The following PCDH15 variants were observed in gnomAD, a reference collection of about 807,000 sequenced individuals.
PCDH15 encodes the protein protocadherin-15.
PCDH15 carries 129 observed loss-of-function variants against 178.5 expected under a neutral mutation model. The observed-to-expected ratio is 0.72, with a 90% CI of 0.63 to 0.84. The LOEUF (loss-of-function observed/expected upper bound fraction) is 0.84, where lower values mean the gene tolerates loss of function less well. Among genes scored for constraint, PCDH15 ranks in the 40% least tolerant of loss-of-function variants. The probability of loss-of-function intolerance (pLI) is 0.00; values close to 1 mark genes in which losing one functional copy is unlikely to be tolerated. For missense variants in PCDH15, 2,230 were observed against 2,099.9 expected, an observed-to-expected ratio of 1.06 and a Z score of -1.21; for synonymous variants, 800 against 732.0, an observed-to-expected ratio of 1.09 and a Z score of -1.50.
At chr10:55,331,358 C>T (rs1378390818) in intron 2 of PCDH15, among the ~76,000 whole-genome samples, 1 of 151,902 alleles carries the variant, frequency 6.6e-6, no homozygotes, top group African/African-American at 2.4e-5. Context: ...TTTGGATCAA[C>T]TTTTGTCTTA....
intron 3 of PCDH15, among the ~76,000 whole-genome samples, chr10:54,891,573 G>A (rs1478862970): frequency 1.3e-5 from 2 of 152,134 alleles, no homozygotes; most frequent in African/African-American, 4.8e-5. Context: ...ATAGGTAAAT[G>A]CCAAAGGCAG....
intron 13 of PCDH15, among the ~76,000 whole-genome samples, chr10:54,167,606 C>T (rs1206391322): frequency 6.6e-6 from 1 of 151,866 alleles, no homozygotes; most frequent in Non-Finnish European, 1.5e-5. Flanking sequence ...GTACCTCAAC[C>T]CCTTCTCTCC....
At chr10:54,802,264 A>C (rs1276696840), upstream of PCDH15, among the ~76,000 whole-genome samples, 1 of 152,248 alleles carries the variant, frequency 6.6e-6, no homozygotes. Flanking sequence ...AAGCATTTGC[A>C]GAAAATAACA....
intron 1 of PCDH15, among the ~76,000 whole-genome samples, chr10:55,172,766 G>A (rs117139678): frequency 0.02 from 3,087 of 151,958 alleles, 46 homozygotes; most frequent in Non-Finnish European, 0.033. Flanking sequence ...GTGCCCAAAG[G>A]AGAGATGGGG....
chr10:55,475,872 T>C (rs1056151436), intron 2 of PCDH15, among the ~76,000 whole-genome samples: 3 of 152,140 alleles, frequency 2.0e-5, no homozygotes, highest in Admixed American at 6.6e-5. Flanking sequence ...CTCTATCCAC[T>C]TCCCTTCTCT....
intron 1 of PCDH15, among the ~76,000 whole-genome samples, chr10:55,252,852 TA>T (rs1317370050): frequency 6.6e-6 from 1 of 152,046 alleles, no homozygotes; most frequent in African/African-American, 2.4e-5. Flanking sequence ...ATTTAGTCAC[TA>T]AAGAAACCTG....
chr10:54,664,234 C>G lies in PCDH15; in HGVS notation c.29G>C (p.Cys10Ser). ...GCCCAGGATGATCCCTGAAGCTAAA[C>G]ATGTCCAGAGATAAAACTGTCGAAA... MFRQFYLWT[C>S]LASGIILGSL... is the part of the protein sequence containing the mutation. The change falls in exon 2 of 38, where the codon TGT becomes TCT. Residue 10 changes from cysteine to serine, a missense_variant. Coordinates refer to ENST00000644397, the MANE Select transcript of PCDH15 (RefSeq NM_001384140.1). 2.5e-6 allele frequency: 4 copies of G among 1,612,114 alleles called. No homozygotes were observed. Among genetic ancestry groups the G allele is most frequent in the Non-Finnish European group, 3.4e-6 (4 of 1,178,758 alleles).
chr10:54,722,888 T>A (rs1404092349), intron 1 of PCDH15, among the ~76,000 whole-genome samples: 1 of 151,676 alleles, frequency 6.6e-6, no homozygotes, highest in Non-Finnish European at 1.5e-5. Context: ...ATGAAAGAAA[T>A]TATACATGAC....
chr10:55,022,718 T>C (rs1344484799), intron 2 of PCDH15, among the ~76,000 whole-genome samples: 3 of 148,274 alleles, frequency 2.0e-5, no homozygotes, highest in African/African-American at 4.9e-5. Context: ...TTTCTTTTTT[T>C]TTTTTTTTTT....
chr10:53,812,787 G>T (rs1324047801), intron 35 of PCDH15, among the ~76,000 whole-genome samples: 1 of 152,004 alleles, frequency 6.6e-6, no homozygotes, highest in African/African-American at 2.4e-5. Flanking sequence ...CGAGAAGAGA[G>T]GGGGGAAAAG....
chr10:55,522,578 G>T (rs550871902), intron 2 of PCDH15, among the ~76,000 whole-genome samples: 6 of 151,386 alleles, frequency 4.0e-5, no homozygotes, highest in African/African-American at 1.5e-4. Context: ...GATCTTCTTT[G>T]TCTCTTGTGA....
intron 25 of PCDH15, among the ~76,000 whole-genome samples, chr10:53,925,861 C>T (rs1197943587): frequency 6.6e-6 from 1 of 152,074 alleles, no homozygotes; most frequent in Non-Finnish European, 1.5e-5. Flanking sequence ...TCACTTAAGC[C>T]TCATTATTTT....
chr10:54,785,492 A>G (rs1463928914), intron 1 of PCDH15, among the ~76,000 whole-genome samples: 1 of 152,026 alleles, frequency 6.6e-6, no homozygotes, highest in Non-Finnish European at 1.5e-5. Context: ...TATCCCTTGC[A>G]TACCTTTGAT....
chr10:53,973,054 A>T (rs1418913802), intron 21 of PCDH15, among the ~76,000 whole-genome samples: 1 of 152,090 alleles, frequency 6.6e-6, no homozygotes, highest in African/African-American at 2.4e-5. Flanking sequence ...ATGTCCATCA[A>T]TGATAGACCG....
intron 11 of PCDH15, among the ~76,000 whole-genome samples, chr10:54,191,989 G>T (rs1193269527): frequency 7.2e-6 from 1 of 139,340 alleles, no homozygotes; most frequent in African/African-American, 2.7e-5. Flanking sequence ...GAAGGGACGG[G>T]GGGAAGGAAA....
rs141226797 is a variant in PCDH15 at position 54,764,620 on chromosome 10, T to C, written c.-29+36305A>G. ...GCTGAGAAGGTCATGTAGCATAGGG[T>C]AAACCTCATGACCTCATCTGTTAGA... On this transcript the variant is annotated intron_variant, in intron 1 of 37. Transcript: ENST00000644397. Among the ~76,000 whole-genome samples, 557 of 152,214 alleles carry C rather than the reference T, an allele frequency of 3.7e-3. 3 individuals carry two copies. The highest frequency in any genetic ancestry group is 6.8e-3 in the Middle Eastern group (2 of 294).
At chr10:54,877,957 T>TGAAACGGAG (rs1954180294) in intron 3 of PCDH15, among the ~76,000 whole-genome samples, 2 of 14,302 alleles carry the variant, frequency 1.4e-4, no homozygotes, top group Non-Finnish European at 2.9e-4. Context: ...TTTTTTTTTT[T>TGAAACGGAG]TTTTTTTTTT....
At chr10:55,304,715 C>G (rs1843374152) in intron 1 of PCDH15, among the ~76,000 whole-genome samples, 1 of 152,126 alleles carries the variant, frequency 6.6e-6, no homozygotes, top group South Asian at 2.1e-4. Flanking sequence ...TCAGTTTGAA[C>G]TAATTCCAGT....
At chr10:55,373,248 T>C (rs1252597859) in intron 2 of PCDH15, among the ~76,000 whole-genome samples, 2 of 152,144 alleles carry the variant, frequency 1.3e-5, no homozygotes, top group Non-Finnish European at 2.9e-5. Context: ...AAAGATTATT[T>C]CAGGCAGCTC....
Sources: allele counts gnomAD v4.1 joint callset (sites outside exome capture counted in the v4.1 genomes callset), GRCh38; gene constraint gnomAD v4.1.1; transcripts MANE v1.5; gene names NCBI Gene and HGNC (gene_info 2026-07-23, HGNC 2026-07-21).